Variants in PLCH1 observed in about 807,000 individuals in gnomAD.
The protein encoded by PLCH1 is 1-phosphatidylinositol 4,5-bisphosphate phosphodiesterase eta-1.
Under a neutral mutation model 126.7 loss-of-function variants are expected in PLCH1, and 60 were observed. That is an observed-to-expected ratio of 0.47 (90% CI 0.38 to 0.59). The LOEUF is 0.59. PLCH1 is among the 20% of genes least tolerant of loss of function. PLCH1 has a pLI of 0.00. For synonymous variants in PLCH1, 719 were observed against 734.9 expected, an observed-to-expected ratio of 0.98 and a Z score of 0.35; for missense variants, 1,723 against 2,040.0, an observed-to-expected ratio of 0.84 and a Z score of 2.99.
chr3:155,733,009 G>C (rs1748888946), intron 1 of PLCH1, among the ~76,000 whole-genome samples: 1 of 151,484 alleles, frequency 6.6e-6, no homozygotes, highest in Non-Finnish European at 1.5e-5. Context: ...ATTTAACCAA[G>C]GAGGTGAAAA....
chr3:155,510,789 T>G (rs1166327222), intron 12 of PLCH1, among the ~76,000 whole-genome samples: 1 of 107,886 alleles, frequency 9.3e-6, no homozygotes, highest in Non-Finnish European at 1.7e-5. Flanking sequence ...GCCCTTAACA[T>G]TTTTTCCTTC....
At position 155,494,366 on chromosome 3, in the gene PLCH1, G is replaced by A. The variant is rs758869051; in HGVS notation, c.2046C>T (p.Leu682=). Residue 682 remains leucine (L), a synonymous_variant, in exon 16 of 23, where the codon CTC becomes CTT. Transcript: ENST00000460012. ...GCTGGCAGCCTGCGTTCCAGTAGGGGAGAGGGTTGAAGTTACTGGAATCAA... is the reference window on the plus strand; with the variant it reads ...GCTGGCAGCCTGCGTTCCAGTAGGGAAGAGGGTTGAAGTTACTGGAATCAA... The part of the protein sequence containing the change: ...YRIDSSNFNP[L]PYWNAGCQLV... The A allele has an allele frequency of 1.2e-6, 2 of 1,614,176 alleles. No homozygotes were observed. Among genetic ancestry groups the A allele is most frequent in the Admixed American group, 3.3e-5 (2 of 60,018 alleles).
intron 10 of PLCH1, among the ~76,000 whole-genome samples, chr3:155,534,378 CT>C (rs1288038828): frequency 6.6e-6 from 1 of 152,192 alleles, no homozygotes; most frequent in Non-Finnish European, 1.5e-5. Context: ...CCTGTATCTC[CT>C]TTGTTTTGGC....
At position 155,518,214 on chromosome 3, in the gene PLCH1, C is replaced by T. The variant is rs537427529; in HGVS notation, c.1471-3330G>A. Among the ~76,000 whole-genome samples the T allele has an allele frequency of 2.0e-5, 3 of 152,316 alleles. No homozygotes were observed. The South Asian group carries it at 6.2e-4, about 32-fold the overall frequency. On this transcript the variant is annotated intron_variant, in intron 11 of 22. Transcript: ENST00000460012. Reference sequence around the variant, plus strand: ...AATCAATATTTTGGGCCATGATTGACTGCAGGAAGCAAACCCACAAATAAG... The same window carrying T: ...AATCAATATTTTGGGCCATGATTGATTGCAGGAAGCAAACCCACAAATAAG...
chr3:155,736,698 C>G (rs766365770), intron 1 of PLCH1, among the ~76,000 whole-genome samples: 4 of 152,254 alleles, frequency 2.6e-5, no homozygotes, highest in Non-Finnish European at 1.5e-5. Context: ...TTAGAGAACA[C>G]TAGTTTTAAA....
intron 2 of PLCH1, among the ~76,000 whole-genome samples, chr3:155,648,434 C>G (rs1740304572): frequency 6.6e-6 from 1 of 152,112 alleles, no homozygotes; most frequent in East Asian, 1.9e-4. Context: ...TTGACGTCCT[C>G]CCTGGAAAAA....
chr3:155,543,773 A>C (rs1315792360), intron 10 of PLCH1, among the ~76,000 whole-genome samples: 1 of 150,920 alleles, frequency 6.6e-6, no homozygotes, highest in Non-Finnish European at 1.5e-5. Context: ...CCAGAATTTC[A>C]TATCCAGCCA....
At chr3:155,465,966 A>G (rs767525359) in intron 21 of PLCH1, among the ~76,000 whole-genome samples, 13 of 152,204 alleles carry the variant, frequency 8.5e-5, no homozygotes, top group Non-Finnish European at 1.6e-4. Context: ...TGCAGCCACA[A>G]TACAACAGAA....
intron 11 of PLCH1, among the ~76,000 whole-genome samples, chr3:155,521,404 T>C (rs1180180231): frequency 1.3e-5 from 2 of 152,250 alleles, no homozygotes; most frequent in Non-Finnish European, 2.9e-5. Context: ...AATAAAAGTT[T>C]ATTGAATGTA....
At chr3:155,572,185 TA>T (rs2108545892) in intron 6 of PLCH1, among the ~76,000 whole-genome samples, 1 of 152,366 alleles carries the variant, frequency 6.6e-6, no homozygotes, top group East Asian at 1.9e-4. Flanking sequence ...GCTCTGACTT[TA>T]CTCTGTCACT....
intron 2 of PLCH1, among the ~76,000 whole-genome samples, chr3:155,602,017 C>T (rs140188207): frequency 3.9e-4 from 59 of 152,208 alleles, no homozygotes; most frequent in African/African-American, 1.3e-3. Context: ...TATGTTGTTT[C>T]TTATCTTTTC....
intron 2 of PLCH1, among the ~76,000 whole-genome samples, chr3:155,688,223 A>G (rs1333592838): frequency 1.3e-5 from 2 of 152,212 alleles, no homozygotes; most frequent in African/African-American, 4.8e-5. Context: ...TGGCCAACAC[A>G]CAGAGGCCCT....
In PLCH1 at chr3:155,586,127, G is replaced by A. The variant is rs763041361; in HGVS notation, c.538C>T (p.His180Tyr). The A allele has an allele frequency of 7.4e-6, 12 of 1,612,898 alleles. No homozygotes were observed. The highest frequency in any genetic ancestry group is 9.3e-6 in the Non-Finnish European group (11 of 1,179,034). ...ACATTCAGTTTATGCATCAGCTGATGTATCTCTTCAATATTCAGCAAGCCG... is the reference window on the plus strand; with the variant it reads ...ACATTCAGTTTATGCATCAGCTGATATATCTCTTCAATATTCAGCAAGCCG... Reference protein sequence around the residue: ...GDGLLNIEEIHQLMHKLNVNL... With the variant: ...GDGLLNIEEIYQLMHKLNVNL... Residue 180 changes from histidine (H) to tyrosine (Y), a missense_variant, in exon 5 of 23, where the codon CAT becomes TAT. His to Tyr is a moderately conservative substitution (Grantham distance 83). This residue lies in a region of PLCH1 where 776 missense variants were observed against 1,062.9 expected (regional missense o/e 0.73). Coordinates refer to ENST00000460012, the MANE Select transcript of PLCH1 (RefSeq NM_014996.4).
chr3:155,470,309 T>A (rs1176607864), intron 21 of PLCH1, among the ~76,000 whole-genome samples: 1 of 152,022 alleles, frequency 6.6e-6, no homozygotes, highest in Non-Finnish European at 1.5e-5. Context: ...TGCGATCAAC[T>A]GGAAGAAAGG....
chr3:155,502,076 G>A (rs1717992209), intron 13 of PLCH1, among the ~76,000 whole-genome samples: 1 of 152,126 alleles, frequency 6.6e-6, no homozygotes, highest in African/African-American at 2.4e-5. Context: ...CTCTATTTCA[G>A]TGACAGTAAG....
chr3:155,460,787 AAGAT>A (rs142518324), intron 21 of PLCH1, among the ~76,000 whole-genome samples: 38,223 of 146,216 alleles, frequency 0.26, 4,928 homozygotes, highest in African/African-American at 0.29. Flanking sequence ...ATAGATATAG[AAGAT>A]AGATAGATAG....
At chr3:155,707,873 A>G (rs1388848169) in intron 1 of PLCH1, among the ~76,000 whole-genome samples, 1 of 152,188 alleles carries the variant, frequency 6.6e-6, no homozygotes, top group East Asian at 1.9e-4. Flanking sequence ...ATACTTGGAC[A>G]TTAGCTCACA....
rs560959508 is a variant in PLCH1 at position 155,534,480 on chromosome 3, G to C, written c.1363-10476C>G. On this transcript the variant is annotated intron_variant, in intron 10 of 22. Transcript: ENST00000460012. ...AACGAACTTGCTTTTGATTTTACAG[G>C]CTCCTAGGCAGAAGGGACTTCCCTC... 1.5e-3 allele frequency among the ~76,000 whole-genome samples: 221 copies of C among 152,232 alleles called. 2 individuals carry two copies. The highest frequency in any genetic ancestry group is 4.9e-3 in the African/African-American group (205 of 41,546).
chr3:155,592,298 C>T (rs1214578718), intron 4 of PLCH1, among the ~76,000 whole-genome samples: 7 of 131,428 alleles, frequency 5.3e-5, no homozygotes, highest in Non-Finnish European at 7.9e-5. Context: ...TCCTGGCTAA[C>T]AGGGTGAAAT....
Sources: allele counts gnomAD v4.1 joint callset (sites outside exome capture counted in the v4.1 genomes callset), GRCh38; gene constraint gnomAD v4.1.1; regional missense constraint gnomAD v4.1.1; transcripts MANE v1.5; gene names NCBI Gene and HGNC (gene_info 2026-07-23, HGNC 2026-07-21).